The following MAN1A1 variants were observed in gnomAD, a reference collection of about 807,000 sequenced individuals.
MAN1A1 encodes mannosyl-oligosaccharide 1,2-alpha-mannosidase IA.
Under a neutral mutation model 70.8 loss-of-function variants are expected in MAN1A1, and 29 were observed. That is an observed-to-expected ratio of 0.41 (90% CI 0.31 to 0.56). MAN1A1 has a LOEUF of 0.56. MAN1A1 is among the 20% of genes least tolerant of loss of function. The probability of loss-of-function intolerance (pLI) is 0.29; values close to 1 mark genes in which losing one functional copy is unlikely to be tolerated. For missense variants in MAN1A1, 747 were observed against 841.3 expected (o/e 0.89, Z 1.39); for synonymous variants, 349 against 330.1 (o/e 1.06, Z -0.62).
chr6:119,269,033 T>C (rs968090027), intron 5 of MAN1A1: 1 of 152,882 alleles, frequency 6.5e-6, no homozygotes, highest in African/African-American at 2.4e-5. Context: ...AGGCTGTCTG[T>C]GGCACCTGGA....
At chr6:119,199,284 C>T (rs1773652988) in intron 8 of MAN1A1, among the ~76,000 whole-genome samples, 1 of 152,144 alleles carries the variant, frequency 6.6e-6, no homozygotes, top group Non-Finnish European at 1.5e-5. Context: ...AAGTGACAAG[C>T]TCATTTTCAA....
At chr6:119,193,042 G>GAA (rs1217685771) in intron 9 of MAN1A1, among the ~76,000 whole-genome samples, 4 of 152,064 alleles carry the variant, frequency 2.6e-5, no homozygotes, top group Non-Finnish European at 5.9e-5. Context: ...ATCCACAGTG[G>GAA]ATGAGTTAAA....
chr6:119,341,851 C>G (rs1582818728), intron 2 of MAN1A1, among the ~76,000 whole-genome samples: 1 of 152,166 alleles, frequency 6.6e-6, no homozygotes, highest in East Asian at 1.9e-4. Flanking sequence ...CATGGTGGCT[C>G]ACACCTGTAA....
intron 6 of MAN1A1, chr6:119,210,755 G>A: frequency 5.1e-6 from 1 of 195,030 alleles, no homozygotes; most frequent in South Asian, 8.7e-5. Flanking sequence ...CTACAAAGAT[G>A]CCAGCTGGAA....
intron 5 of MAN1A1, among the ~76,000 whole-genome samples, chr6:119,275,290 T>TAGTAGAGACGGGGTTTCACCATG (rs751486961): frequency 2.9e-3 from 73 of 25,288 alleles, no homozygotes; most frequent in Non-Finnish European, 3.8e-3. Context: ...TTTTTTTTTT[T>TAGTAGAGACGGGGTTTCACCATG]TTTTTTTTTT....
chr6:119,285,027 T>C (rs1562225580), intron 5 of MAN1A1, among the ~76,000 whole-genome samples: 1 of 148,464 alleles, frequency 6.7e-6, no homozygotes, highest in African/African-American at 2.5e-5. Context: ...CTGCTTCTGG[T>C]GGGGCCCTCA....
intron 2 of MAN1A1, among the ~76,000 whole-genome samples, chr6:119,333,963 T>C (rs1278804645): frequency 1.1e-4 from 17 of 152,200 alleles, no homozygotes; most frequent in Non-Finnish European, 1.8e-4. Context: ...AATAGGACCG[T>C]AGTTAAAGCT....
intron 6 of MAN1A1, among the ~76,000 whole-genome samples, chr6:119,224,679 GAAC>G (rs964513457): frequency 4.6e-5 from 7 of 152,286 alleles, no homozygotes; most frequent in East Asian, 3.9e-4. Context: ...TGCTCAGGAA[GAAC>G]AACAATGAAC....
At chr6:119,241,085 TA>T (rs1774990939) in intron 6 of MAN1A1, among the ~76,000 whole-genome samples, 1 of 152,130 alleles carries the variant, frequency 6.6e-6, no homozygotes, top group Non-Finnish European at 1.5e-5. Context: ...AGTTTCTAAT[TA>T]AAAATGCTTA....
At chr6:119,341,137 C>G (rs911189399) in intron 2 of MAN1A1, among the ~76,000 whole-genome samples, 2 of 152,138 alleles carry the variant, frequency 1.3e-5, no homozygotes, top group Admixed American at 1.3e-4. Context: ...TGCTCTTAAG[C>G]CTTAATCTCA....
chr6:119,252,426 C>T (rs780566906), intron 5 of MAN1A1, among the ~76,000 whole-genome samples: 3 of 152,128 alleles, frequency 2.0e-5, no homozygotes, highest in Non-Finnish European at 2.9e-5. Context: ...GGTAAGGCAG[C>T]GGAGACAACC....
chr6:119,230,717 A>C (rs1207285480), intron 6 of MAN1A1, among the ~76,000 whole-genome samples: 1 of 152,196 alleles, frequency 6.6e-6, no homozygotes, highest in African/African-American at 2.4e-5. Flanking sequence ...AGGATCTAGG[A>C]GAAGGGTGTT....
At chr6:119,349,859 C>T (rs988834488), upstream of MAN1A1, 32 of 653,634 alleles carry the variant, frequency 4.9e-5, no homozygotes, top group Admixed American at 6.3e-5. Context: ...CCCAGGGTCC[C>T]GCGGGGGCGG....
intron 4 of MAN1A1, among the ~76,000 whole-genome samples, chr6:119,292,448 G>A (rs191973751): frequency 5.5e-4 from 83 of 152,068 alleles, no homozygotes; most frequent in African/African-American, 2.0e-3. Context: ...GCCAGACCCT[G>A]TCCTAGGTGA....
intron 2 of MAN1A1, among the ~76,000 whole-genome samples, chr6:119,337,742 T>C (rs1443755877): frequency 9.2e-5 from 14 of 152,214 alleles, no homozygotes; most frequent in Non-Finnish European, 1.0e-4. Flanking sequence ...CTTCATTTTC[T>C]ATTCTCCTCA....
chr6:119,275,736 C>T (rs938142369), intron 5 of MAN1A1, among the ~76,000 whole-genome samples: 3 of 152,180 alleles, frequency 2.0e-5, no homozygotes, highest in South Asian at 2.1e-4. Context: ...GCCACTGTGC[C>T]CGGCAACTGC....
chr6:119,340,528 G>C (rs1773569540), intron 2 of MAN1A1, among the ~76,000 whole-genome samples: 1 of 152,194 alleles, frequency 6.6e-6, no homozygotes, highest in African/African-American at 2.4e-5. Context: ...TGGATGGCTT[G>C]AGTTCACGTC....
chr6:119,349,448 G>A (rs1773841263), intron 1 of MAN1A1, 94 bp downstream of exon 1: 1 of 923,906 alleles, frequency 1.1e-6, no homozygotes, highest in African/African-American at 1.8e-5. Flanking sequence ...CTGGACTTGG[G>A]GTGAAGTTAT....
upstream of MAN1A1, among the ~76,000 whole-genome samples, chr6:119,350,151 C>G (rs1773869240): frequency 6.6e-6 from 1 of 152,188 alleles, no homozygotes; most frequent in South Asian, 2.1e-4. Flanking sequence ...CGGGACCTCT[C>G]TGCCTCCTCC....
Sources: gnomAD v4.1 joint callset for allele counts (sites outside exome capture counted in the v4.1 genomes callset) on GRCh38, gnomAD v4.1.1 for gene constraint, MANE v1.5 for transcripts, NCBI Gene and HGNC (gene_info 2026-07-23, HGNC 2026-07-21) for gene names.